Variants in ASRGL1 observed in about 807,000 individuals in gnomAD.
ASRGL1 encodes the protein isoaspartyl peptidase/L-asparaginase.
A neutral mutation model predicts 22.4 loss-of-function variants in ASRGL1; 16 were observed. The ratio of observed to expected loss-of-function variants is 0.71; its 90% CI spans 0.48 to 1.08. The LOEUF is 1.08. Ranked by LOEUF, ASRGL1 falls within the 50% of genes least tolerant of loss-of-function variation. The pLI, the probability that ASRGL1 is intolerant of heterozygous loss-of-function variation, is 0.00. For missense variants in ASRGL1, 412 were observed against 410.1 expected, an observed-to-expected ratio of 1.00 and a Z score of -0.04; for synonymous variants, 165 against 159.3, an observed-to-expected ratio of 1.04 and a Z score of -0.27.
chr11:62,369,069 C>T, intron 4 of ASRGL1, among the ~76,000 whole-genome samples: 1 of 152,106 alleles, frequency 6.6e-6, no homozygotes, highest in East Asian at 1.9e-4. Flanking sequence ...CAGGTCTTTC[C>T]CTTCCCACGA....
intron 2 of ASRGL1, among the ~76,000 whole-genome samples, chr11:62,346,376 C>G (rs1590706367): frequency 6.6e-6 from 1 of 152,134 alleles, no homozygotes; most frequent in African/African-American, 2.4e-5. Context: ...GCACACCACC[C>G]TCCTGGCACC....
intron 4 of ASRGL1, among the ~76,000 whole-genome samples, chr11:62,369,791 G>A (rs1946715312): frequency 1.3e-5 from 2 of 152,074 alleles, no homozygotes; most frequent in African/African-American, 4.8e-5. Flanking sequence ...ATGTCCCAGT[G>A]ATGCTCAGAC....
chr11:62,367,503 G>A (rs933500088), intron 4 of ASRGL1, among the ~76,000 whole-genome samples: 1 of 151,882 alleles, frequency 6.6e-6, no homozygotes, highest in African/African-American at 2.4e-5. Flanking sequence ...AATGAGTTGG[G>A]CGTGGTGGCG....
chr11:62,377,391 T>A (rs887776865), intron 4 of ASRGL1, among the ~76,000 whole-genome samples: 10 of 152,210 alleles, frequency 6.6e-5, no homozygotes, highest in African/African-American at 2.4e-4. Context: ...ATGCAGAATC[T>A]GATACAATAT....
intron 4 of ASRGL1, among the ~76,000 whole-genome samples, chr11:62,384,025 CACGTGTGTGCGTGT>C (rs1565173668): frequency 7.4e-6 from 1 of 135,882 alleles, no homozygotes; most frequent in Non-Finnish European, 1.6e-5. Context: ...TGTGTGTGTG[CACGTGTGTGCGTGT>C]GTGTGTGTGT....
chr11:62,360,908 A>G (rs1330709640), intron 4 of ASRGL1, among the ~76,000 whole-genome samples: 2 of 152,238 alleles, frequency 1.3e-5, no homozygotes, highest in Non-Finnish European at 2.9e-5. Flanking sequence ...TCTTGAAAGA[A>G]TAATACAATG....
At chr11:62,387,696 T>C (rs1030771769) in intron 4 of ASRGL1, among the ~76,000 whole-genome samples, 64 of 152,326 alleles carry the variant, frequency 4.2e-4, no homozygotes, top group African/African-American at 1.4e-3. Flanking sequence ...TTCTTTGTTT[T>C]TTTGTTTGGG....
At chr11:62,352,981 A>G (rs1170108495) in intron 2 of ASRGL1, among the ~76,000 whole-genome samples, 2 of 152,206 alleles carry the variant, frequency 1.3e-5, no homozygotes, top group East Asian at 1.9e-4. Context: ...GCCAAATACA[A>G]GGAATTTTCA....
At chr11:62,401,222 C>T in the ASRGL1 span, among the ~76,000 whole-genome samples, 3 of 152,152 alleles carry the variant, frequency 2.0e-5, no homozygotes, top group African/African-American at 4.8e-5. Flanking sequence ...TGGAGAAATG[C>T]GATTTTCACG....
intron 4 of ASRGL1, among the ~76,000 whole-genome samples, chr11:62,369,160 G>A (rs1251645340): frequency 2.6e-5 from 4 of 152,142 alleles, no homozygotes; most frequent in South Asian, 2.1e-4. Context: ...GTGGCTTTCC[G>A]CAGTGTATTG....
chr11:62,356,423 T>G lies in ASRGL1; in HGVS notation c.289T>G (p.Cys97Gly). 6.2e-7 allele frequency: 1 copy of G among 1,614,258 alleles called. No individual in the cohort carries two copies. The highest frequency in any genetic ancestry group is 1.3e-5 in the African/African-American group (1 of 75,076). Residue 97 changes from cysteine (C) to glycine (G), a missense_variant, in exon 3 of 7, where the codon TGT becomes GGT. Transcript: ENST00000415229. ...TGCAGGAGCAGTGTCCGCAGTCCAG[T>G]GTATAGCAAATCCCATTAAACTTGC... Reference protein sequence around the residue: ...LSAGAVSAVQCIANPIKLARL... With the variant: ...LSAGAVSAVQGIANPIKLARL...
intron 2 of ASRGL1, among the ~76,000 whole-genome samples, chr11:62,347,256 C>T (rs1186590126): frequency 6.6e-6 from 1 of 152,150 alleles, no homozygotes; most frequent in Non-Finnish European, 1.5e-5. Context: ...CTAAATAAAA[C>T]TAATTATTTA....
intron 4 of ASRGL1, among the ~76,000 whole-genome samples, chr11:62,370,885 A>G (rs1291256019): frequency 2.0e-5 from 3 of 152,138 alleles, no homozygotes; most frequent in Non-Finnish European, 4.4e-5. Context: ...TAAATAATTT[A>G]CCTGTGGCCT....
In ASRGL1 at chr11:62,338,018, C is replaced by T; in HGVS notation, c.41C>T (p.Pro14Leu). The T allele has an allele frequency of 1.2e-6, 2 of 1,607,436 alleles. No individual in the cohort carries two copies. The highest frequency in any genetic ancestry group is 1.7e-6 in the Non-Finnish European group (2 of 1,177,384). ...IVVVHGGGAGPISKDRKERVH... is the reference protein window; with the variant it reads ...IVVVHGGGAGLISKDRKERVH... Reference sequence around the variant, plus strand: ...GTGGTCCACGGCGGCGGAGCCGGTCCCATCTCCAAGGATCGGAAGGAGCGA... The same window carrying T: ...GTGGTCCACGGCGGCGGAGCCGGTCTCATCTCCAAGGATCGGAAGGAGCGA... The change falls in exon 2 of 7, where the codon CCC becomes CTC. Residue 14 changes from proline to leucine, a missense_variant. Transcript: ENST00000415229.
At position 62,348,469 on chromosome 11, in the gene ASRGL1, C is replaced by T. The variant is rs578120481; in HGVS notation, c.191-7856C>T. ...CTGTAATCCCAGCACTTTGGGAGGCCGAGGCAGGTGGATCACCTGAGGTCA... is the reference window on the plus strand; with the variant it reads ...CTGTAATCCCAGCACTTTGGGAGGCTGAGGCAGGTGGATCACCTGAGGTCA... On this transcript the variant is annotated intron_variant, in intron 2 of 6. Coordinates refer to ENST00000415229, the MANE Select transcript of ASRGL1 (RefSeq NM_001083926.2). Among the ~76,000 whole-genome samples, 194 of 151,884 alleles carry T rather than the reference C, an allele frequency of 1.3e-3. 2 individuals are homozygous for T. The highest frequency in any genetic ancestry group is 4.5e-3 in the African/African-American group (188 of 41,442).
At chr11:62,360,118 G>A (rs1169030214) in intron 4 of ASRGL1, among the ~76,000 whole-genome samples, 2 of 149,460 alleles carry the variant, frequency 1.3e-5, no homozygotes. Context: ...TGCAACCTCT[G>A]CCTCCCAGGT....
At chr11:62,342,154 G>A (rs1304665193) in intron 2 of ASRGL1, among the ~76,000 whole-genome samples, 3 of 152,056 alleles carry the variant, frequency 2.0e-5, no homozygotes, top group Non-Finnish European at 2.9e-5. Flanking sequence ...CGATTGGCTC[G>A]CAACTTAGAA....
At chr11:62,395,598 G>A (rs1947422684), downstream of ASRGL1, among the ~76,000 whole-genome samples, 2 of 152,118 alleles carry the variant, frequency 1.3e-5, no homozygotes, top group South Asian at 4.2e-4. Context: ...TGGGGCACAC[G>A]TTAGTCCCCT....
rs755645241 is a variant in ASRGL1, at chr11:62,356,962, A to G, written c.334-25A>G. Reference sequence around the variant, plus strand: ...ATTTAAAATTTTCAAAAAAACAATCATTTTCTCTTTTCTTTCTGGCTCAGA... The same window carrying G: ...ATTTAAAATTTTCAAAAAAACAATCGTTTTCTCTTTTCTTTCTGGCTCAGA... On this transcript the variant is annotated intron_variant, in intron 3 of 6. Transcript: ENST00000415229. The G allele has an allele frequency of 6.4e-6, 10 of 1,565,668 alleles. No homozygotes were observed. In the South Asian group the frequency reaches 1.2e-4, roughly 19 times the overall value.
Sources: allele counts gnomAD v4.1 joint callset (sites outside exome capture counted in the v4.1 genomes callset), GRCh38; gene constraint gnomAD v4.1.1; transcripts MANE v1.5; gene names NCBI Gene and HGNC (gene_info 2026-07-23, HGNC 2026-07-21).